The following LYPD6 variants were observed in gnomAD, a reference collection of about 807,000 sequenced individuals.
The protein encoded by LYPD6 is LY6/PLAUR domain containing 6, also known as ly6/PLAUR domain-containing protein 6.
A neutral mutation model predicts 22.7 loss-of-function variants in LYPD6; 15 were observed. That is an observed-to-expected ratio of 0.66 (90% confidence interval 0.44 to 1.02). The LOEUF (loss-of-function observed/expected upper bound fraction) is 1.02. LYPD6 is among the 50% of genes least tolerant of loss of function. LYPD6 has a pLI of 0.00. For synonymous variants in LYPD6, 72 were observed against 77.5 expected, an observed-to-expected ratio of 0.93 and a Z score of 0.37; for missense variants, 189 against 208.4, an observed-to-expected ratio of 0.91 and a Z score of 0.57.
chr2:149,417,809 T>C (rs1479369004), intron 1 of LYPD6, among the ~76,000 whole-genome samples: 1 of 152,224 alleles, frequency 6.6e-6, no homozygotes, highest in Admixed American at 6.5e-5. Context: ...AGAAATATAA[T>C]GAACCAGAAT....
chr2:149,397,185 T>C (rs1404680123), intron 1 of LYPD6, among the ~76,000 whole-genome samples: 4 of 152,236 alleles, frequency 2.6e-5, no homozygotes, highest in Non-Finnish European at 5.9e-5. Context: ...TGTATTATTA[T>C]CTCTCATAGG....
At chr2:149,432,095 A>T (rs1403493265) in intron 1 of LYPD6, among the ~76,000 whole-genome samples, 1 of 152,164 alleles carries the variant, frequency 6.6e-6, no homozygotes, top group Non-Finnish European at 1.5e-5. Flanking sequence ...TAATTTTTTT[A>T]AAAAAGAAAA....
chr2:149,414,122 C>T (rs190515685), intron 1 of LYPD6, among the ~76,000 whole-genome samples: 19 of 152,262 alleles, frequency 1.2e-4, no homozygotes, highest in African/African-American at 4.3e-4. Flanking sequence ...AGCAATAGAA[C>T]TTTGATAGAT....
At chr2:149,461,119 A>G (rs1681078079) in intron 3 of LYPD6, among the ~76,000 whole-genome samples, 1 of 152,024 alleles carries the variant, frequency 6.6e-6, no homozygotes, top group African/African-American at 2.4e-5. Context: ...AGCAAAAATC[A>G]GGAAATAATA....
intron 1 of LYPD6, chr2:149,370,695 G>A (rs1490567716): frequency 3.3e-5 from 5 of 152,062 alleles, no homozygotes; most frequent in Admixed American, 6.6e-5. Context: ...AAACAGACTC[G>A]GACAATTCCT....
At chr2:149,391,593 C>T (rs545173948) in intron 1 of LYPD6, among the ~76,000 whole-genome samples, 1 of 152,004 alleles carries the variant, frequency 6.6e-6, no homozygotes, top group African/African-American at 2.4e-5. Context: ...TATAAAATGC[C>T]TTCCATATAC....
intron 1 of LYPD6, among the ~76,000 whole-genome samples, chr2:149,350,706 T>G (rs1681342655): frequency 6.6e-6 from 1 of 152,210 alleles, no homozygotes; most frequent in South Asian, 2.1e-4. Context: ...AGGAACGAAT[T>G]TTAAGTTGAT....
chr2:149,363,182 C>T (rs188771844), intron 1 of LYPD6, among the ~76,000 whole-genome samples: 1 of 152,248 alleles, frequency 6.6e-6, no homozygotes, highest in African/African-American at 2.4e-5. Flanking sequence ...ATGTAACATG[C>T]AGTTGGGCTT....
chr2:149,437,628 C>A lies in LYPD6; in HGVS notation c.-71-10C>A. The A allele has an allele frequency of 1.3e-6, 2 of 1,582,774 alleles. No homozygotes were observed. Among genetic ancestry groups the A allele is most frequent in the Non-Finnish European group, 1.7e-6 (2 of 1,163,350 alleles). On this transcript the variant is annotated splice_polypyrimidine_tract_variant and intron_variant, in intron 1 of 4. Transcript: ENST00000334166. ...TCGATCACTGAGATGATTCTTTCTT[C>A]ATTTTTCAGGTGCAAGTTCTCTCCT...
At chr2:149,420,006 A>G (rs1374301946) in intron 1 of LYPD6, among the ~76,000 whole-genome samples, 2 of 152,314 alleles carry the variant, frequency 1.3e-5, no homozygotes, top group East Asian at 1.9e-4. Flanking sequence ...TCCTGACTAC[A>G]TTACTTGTAT....
downstream of LYPD6, among the ~76,000 whole-genome samples, chr2:149,478,379 T>G (rs375057853): frequency 3.9e-5 from 2 of 51,160 alleles, no homozygotes; most frequent in African/African-American, 4.5e-5. Context: ...TATATAGAGG[T>G]GTGTGTGTGT....
intron 1 of LYPD6, among the ~76,000 whole-genome samples, chr2:149,395,770 C>A (rs1419405126): frequency 6.6e-6 from 1 of 152,046 alleles, no homozygotes; most frequent in African/African-American, 2.4e-5. Context: ...TTGATGAATC[C>A]ATATTCAAGA....
At chr2:149,393,422 A>G (rs550816765) in intron 1 of LYPD6, among the ~76,000 whole-genome samples, 17 of 152,258 alleles carry the variant, frequency 1.1e-4, no homozygotes, top group African/African-American at 4.1e-4. Flanking sequence ...TGTGATGATA[A>G]CAGGGTATTT....
the LYPD6 span, among the ~76,000 whole-genome samples, chr2:149,485,567 G>A: frequency 7.9e-5 from 12 of 152,148 alleles, no homozygotes; most frequent in Non-Finnish European, 1.6e-4. Context: ...GTCAGCATAT[G>A]TGGACCTGGA....
At position 149,437,645 on chromosome 2, in the gene LYPD6, T is replaced by C; in HGVS notation, c.-64T>C. ...TCTTTCTTCATTTTTCAGGTGCAAG[T>C]TCTCTCCTGTTGCCCTGAGTGCCCA... On this transcript the variant is annotated 5_prime_UTR_variant, in exon 2 of 5. Coordinates refer to ENST00000334166, the MANE Select transcript of LYPD6 (RefSeq NM_194317.5). 2 of 1,597,486 alleles carry C rather than the reference T, an allele frequency of 1.3e-6. No individual in the cohort carries two copies. The highest frequency in any genetic ancestry group is 1.7e-6 in the Non-Finnish European group (2 of 1,170,240).
At chr2:149,437,951 C>T (rs943481490) in intron 2 of LYPD6, 125 bp downstream of exon 2, 86 of 1,048,874 alleles carry the variant, frequency 8.2e-5, no homozygotes, top group East Asian at 7.8e-4. Flanking sequence ...TGGGGTGGTG[C>T]GGTAATTTAC....
chr2:149,404,900 T>A (rs1682659647), intron 1 of LYPD6, among the ~76,000 whole-genome samples: 2 of 152,190 alleles, frequency 1.3e-5, no homozygotes, highest in Non-Finnish European at 2.9e-5. Context: ...TATTTTGAGA[T>A]ACATCCCATC....
At chr2:149,351,629 A>G (rs1681360585) in intron 1 of LYPD6, among the ~76,000 whole-genome samples, 1 of 152,138 alleles carries the variant, frequency 6.6e-6, no homozygotes, top group African/African-American at 2.4e-5. Context: ...TGGATTATTG[A>G]AGGTCTACCA....
rs1359382974 is a variant in LYPD6, at chr2:149,474,033, G to A, written c.*3183G>A. On this transcript the variant is annotated 3_prime_UTR_variant, in exon 5 of 5. Coordinates refer to ENST00000334166, the MANE Select transcript of LYPD6 (RefSeq NM_194317.5). ...GAACCAGAAAAGATTTTCTCTTGATGGTTTCTTCAACAGGAAACAGATATT... is the reference window on the plus strand; with the variant it reads ...GAACCAGAAAAGATTTTCTCTTGATAGTTTCTTCAACAGGAAACAGATATT... The A allele has an allele frequency of 6.6e-6, 1 of 152,000 alleles. No individual in the cohort carries two copies. The highest frequency in any genetic ancestry group is 1.5e-5 in the Non-Finnish European group (1 of 67,998). The allele number at this position is 152,000 out of a possible 1,614,324, so 9.4% of individuals were successfully genotyped here.
Sources: gnomAD v4.1 joint callset for allele counts (sites outside exome capture counted in the v4.1 genomes callset) on GRCh38, gnomAD v4.1.1 for gene constraint, MANE v1.5 for transcripts, NCBI Gene and HGNC (gene_info 2026-07-23, HGNC 2026-07-21) for gene names.